Variants in KCNH1 observed in about 807,000 individuals in gnomAD.
KCNH1 encodes the protein potassium voltage-gated channel subfamily H member 1.
A neutral mutation model predicts 69.2 loss-of-function variants in KCNH1; 27 were observed. The observed-to-expected ratio is 0.39, with a 90% CI of 0.29 to 0.54. The LOEUF (loss-of-function observed/expected upper bound fraction) is 0.54. KCNH1 is among the 20% of genes least tolerant of loss of function. KCNH1 has a pLI of 0.68. For synonymous variants in KCNH1, 456 were observed against 487.7 expected, an observed-to-expected ratio of 0.93 and a Z score of 0.86; for missense variants, 798 against 1,261.6, an observed-to-expected ratio of 0.63 and a Z score of 5.57.
chr1:210,821,211 T>G (rs1404597013), intron 7 of KCNH1, among the ~76,000 whole-genome samples: 1 of 152,170 alleles, frequency 6.6e-6, no homozygotes, highest in Non-Finnish European at 1.5e-5. Context: ...GGCCCCACCT[T>G]ACGATACCAT....
At chr1:210,913,752 C>T (rs1487853632) in intron 7 of KCNH1, among the ~76,000 whole-genome samples, 1 of 152,136 alleles carries the variant, frequency 6.6e-6, no homozygotes, top group East Asian at 1.9e-4. Context: ...ACTGGTCATC[C>T]CCCCATATCA....
chr1:211,020,832 C>G (rs2102415309), intron 5 of KCNH1, among the ~76,000 whole-genome samples: 1 of 151,910 alleles, frequency 6.6e-6, no homozygotes, highest in Non-Finnish European at 1.5e-5. Context: ...AAGAATGACT[C>G]AACACTTGCA....
chr1:210,888,381 C>G (rs1686667832), intron 7 of KCNH1, among the ~76,000 whole-genome samples: 1 of 152,068 alleles, frequency 6.6e-6, no homozygotes, highest in Non-Finnish European at 1.5e-5. Context: ...ACACAAGGTA[C>G]CAGAATCTCT....
intron 7 of KCNH1, among the ~76,000 whole-genome samples, chr1:210,901,141 A>G (rs1484442561): frequency 6.6e-6 from 1 of 151,636 alleles, no homozygotes; most frequent in Non-Finnish European, 1.5e-5. Context: ...TTAAACTCAA[A>G]CTCATGATCT....
At chr1:210,935,613 T>C (rs1422367863) in intron 6 of KCNH1, among the ~76,000 whole-genome samples, 1 of 152,180 alleles carries the variant, frequency 6.6e-6, no homozygotes, top group Non-Finnish European at 1.5e-5. Context: ...CTGTACCCCA[T>C]AAAAATGAAC....
At chr1:210,731,547 G>A (rs746778719) in intron 10 of KCNH1, among the ~76,000 whole-genome samples, 1 of 151,638 alleles carries the variant, frequency 6.6e-6, no homozygotes, top group Non-Finnish European at 1.5e-5. Context: ...TGGAAGCCAG[G>A]AAGGAGAGGA....
At chr1:210,980,694 T>C (rs756071325) in intron 6 of KCNH1, among the ~76,000 whole-genome samples, 2 of 152,152 alleles carry the variant, frequency 1.3e-5, no homozygotes, top group African/African-American at 2.4e-5. Flanking sequence ...GAGAATAGTA[T>C]GAGCAGTATT....
intron 10 of KCNH1, among the ~76,000 whole-genome samples, chr1:210,703,675 ACT>A (rs1574193317): frequency 6.6e-6 from 1 of 151,920 alleles, no homozygotes; most frequent in African/African-American, 2.4e-5. Context: ...TTCCTAACTA[ACT>A]CTCCCATAAG....
intron 9 of KCNH1, among the ~76,000 whole-genome samples, chr1:210,788,206 A>C (rs1166202350): frequency 6.6e-6 from 1 of 152,230 alleles, no homozygotes; most frequent in Non-Finnish European, 1.5e-5. Flanking sequence ...ATGGACAATA[A>C]AAATTACAAA....
chr1:210,906,067 G>A (rs1687096135), intron 7 of KCNH1, among the ~76,000 whole-genome samples: 1 of 152,196 alleles, frequency 6.6e-6, no homozygotes, highest in Non-Finnish European at 1.5e-5. Context: ...GGGGACAAGG[G>A]GCGTGGCACA....
chr1:210,787,688 CAAG>C (rs1215079265), intron 9 of KCNH1, among the ~76,000 whole-genome samples: 7 of 152,266 alleles, frequency 4.6e-5, no homozygotes, highest in African/African-American at 1.7e-4. Flanking sequence ...CGGCCTCACT[CAAG>C]AAGAAGGAAT....
intron 5 of KCNH1, among the ~76,000 whole-genome samples, chr1:211,041,450 G>C (rs1156698567): frequency 1.3e-5 from 2 of 152,142 alleles, no homozygotes; most frequent in African/African-American, 4.8e-5. Context: ...TAACTCAGGA[G>C]CCATTCACTA....
intron 1 of KCNH1, among the ~76,000 whole-genome samples, chr1:211,126,026 T>G (rs1691770444): frequency 6.6e-6 from 1 of 152,184 alleles, no homozygotes; most frequent in South Asian, 2.1e-4. Flanking sequence ...ACTGTGAGAA[T>G]CAAGGGAGAT....
At chr1:210,904,126 A>G (rs1417312435) in intron 7 of KCNH1, among the ~76,000 whole-genome samples, 2 of 152,246 alleles carry the variant, frequency 1.3e-5, no homozygotes, top group African/African-American at 2.4e-5. Flanking sequence ...ATATAATGCC[A>G]AGTACTTTTC....
intron 6 of KCNH1, among the ~76,000 whole-genome samples, chr1:210,962,792 T>C (rs1026553567): frequency 1.3e-5 from 2 of 151,380 alleles, no homozygotes; most frequent in African/African-American, 4.9e-5. Context: ...GATTGCTAGA[T>C]TTTATACTGT....
At chr1:211,017,421 A>G (rs886473672) in intron 6 of KCNH1, among the ~76,000 whole-genome samples, 1 of 152,128 alleles carries the variant, frequency 6.6e-6, no homozygotes, top group African/African-American at 2.4e-5. Context: ...CTTGAGCCTC[A>G]ACTTGGCTTC....
intron 1 of KCNH1, among the ~76,000 whole-genome samples, chr1:211,117,746 G>A (rs1302686212): frequency 6.6e-6 from 1 of 152,186 alleles, no homozygotes; most frequent in Non-Finnish European, 1.5e-5. Context: ...TGAGCTGTAG[G>A]TAAGTCACTT....
chr1:210,834,931 G>T (rs1265095036), intron 7 of KCNH1, among the ~76,000 whole-genome samples: 4 of 152,032 alleles, frequency 2.6e-5, no homozygotes, highest in African/African-American at 9.7e-5. Flanking sequence ...TCTATTGTTT[G>T]CTATAGTAAA....
At chr1:210,762,131 G>T (rs1334868879) in intron 10 of KCNH1, among the ~76,000 whole-genome samples, 1 of 151,858 alleles carries the variant, frequency 6.6e-6, no homozygotes, top group Non-Finnish European at 1.5e-5. Flanking sequence ...TGACTTTTAG[G>T]TAAAAAACAA....
Sources: gnomAD v4.1 joint callset for allele counts (sites outside exome capture counted in the v4.1 genomes callset) on GRCh38, gnomAD v4.1.1 for gene constraint, MANE v1.5 for transcripts, NCBI Gene and HGNC (gene_info 2026-07-23, HGNC 2026-07-21) for gene names.